ACTR3C: variants seen among roughly 807,000 people sequenced by gnomAD.
The protein encoded by ACTR3C is actin-related protein 3C.
ACTR3C carries 18 observed loss-of-function variants against 26.3 expected under a neutral mutation model. The ratio of observed to expected loss-of-function variants is 0.68; its 90% confidence interval spans 0.47 to 1.01. The LOEUF (loss-of-function observed/expected upper bound fraction) is 1.01. Among genes scored for constraint, ACTR3C ranks in the 50% least tolerant of loss-of-function variants. ACTR3C has a pLI of 0.00. For synonymous variants in ACTR3C, 55 were observed against 94.5 expected (o/e 0.58, Z 2.42); for missense variants, 184 against 250.7 (o/e 0.73, Z 1.80).
At chr7:150,070,886 C>T in the ACTR3C span, among the ~76,000 whole-genome samples, 2 of 150,886 alleles carry the variant, frequency 1.3e-5, no homozygotes, top group South Asian at 4.2e-4. Context: ...GCTCTGCCTC[C>T]CGGGTTCATG....
chr7:150,089,915 G>C, the ACTR3C span, among the ~76,000 whole-genome samples: 1 of 152,232 alleles, frequency 6.6e-6, no homozygotes, highest in South Asian at 2.1e-4. Context: ...CCAAACTCTA[G>C]GCCACTTCAA....
the ACTR3C span, among the ~76,000 whole-genome samples, chr7:150,227,688 G>GTTTTTTTT: frequency 1.9e-3 from 211 of 111,270 alleles, 1 homozygote; most frequent in East Asian, 6.2e-3. Flanking sequence ...TTGTGTCTGG[G>GTTTTTTTT]TTTTTTTTTT....
At chr7:150,297,623 G>A (rs1230305789) in intron 1 of ACTR3C, among the ~76,000 whole-genome samples, 7 of 152,170 alleles carry the variant, frequency 4.6e-5, no homozygotes, top group Non-Finnish European at 8.8e-5. Flanking sequence ...AGGCCGAGGC[G>A]GGCGGATCAC....
the ACTR3C span, among the ~76,000 whole-genome samples, chr7:150,164,562 G>A: frequency 2.6e-5 from 4 of 151,638 alleles, no homozygotes; most frequent in South Asian, 2.1e-4. Flanking sequence ...TGCATTTCCC[G>A]AATAGGCAAG....
intron 6 of ACTR3C, among the ~76,000 whole-genome samples, chr7:150,265,870 G>A (rs565219127): frequency 6.6e-6 from 1 of 152,194 alleles, no homozygotes; most frequent in South Asian, 2.1e-4. Flanking sequence ...GCATCTGAGA[G>A]TAACTTATAT....
chr7:150,087,175 A>T, the ACTR3C span, among the ~76,000 whole-genome samples: 1 of 141,998 alleles, frequency 7.0e-6, no homozygotes, highest in Admixed American at 6.8e-5. Flanking sequence ...AAAGACCTGA[A>T]TTTGTTTAAA....
At chr7:150,306,254 A>G (rs922730286) in intron 1 of ACTR3C, among the ~76,000 whole-genome samples, 7 of 151,950 alleles carry the variant, frequency 4.6e-5, no homozygotes, top group Non-Finnish European at 8.8e-5. Flanking sequence ...CTAAATCAGA[A>G]GAGTCCCCTT....
At chr7:150,048,656 C>T in the ACTR3C span, among the ~76,000 whole-genome samples, 1 of 151,798 alleles carries the variant, frequency 6.6e-6, no homozygotes, top group East Asian at 2.0e-4. Flanking sequence ...CCCAGCCACG[C>T]ACGCGCTGCG....
At chr7:150,047,531 T>C in the ACTR3C span, 1 of 341,736 alleles carries the variant, frequency 2.9e-6, no homozygotes, top group Non-Finnish European at 4.1e-6. Flanking sequence ...CCCCCACAGA[T>C]GCCCCCGGCC....
chr7:150,281,018 A>G (rs982986174), intron 6 of ACTR3C, among the ~76,000 whole-genome samples: 3 of 152,204 alleles, frequency 2.0e-5, no homozygotes, highest in Non-Finnish European at 2.9e-5. Flanking sequence ...GCACATCTTC[A>G]GGGCACCCAC....
the ACTR3C span, among the ~76,000 whole-genome samples, chr7:150,070,905 C>T: frequency 6.7e-6 from 1 of 150,274 alleles, no homozygotes; most frequent in Non-Finnish European, 1.5e-5. Flanking sequence ...TGCCATTCTC[C>T]TGCCTCAGCC....
chr7:149,964,419 A>G, the ACTR3C span, among the ~76,000 whole-genome samples: 1 of 152,204 alleles, frequency 6.6e-6, no homozygotes, highest in Non-Finnish European at 1.5e-5. Flanking sequence ...CGTCATGGGA[A>G]GTGAGGAGGA....
the ACTR3C span, among the ~76,000 whole-genome samples, chr7:149,996,160 G>A: frequency 6.6e-6 from 1 of 152,282 alleles, no homozygotes; most frequent in Non-Finnish European, 1.5e-5. Flanking sequence ...TGCCAGCAGT[G>A]CGGAAGCCCT....
At chr7:149,981,877 G>A in the ACTR3C span, among the ~76,000 whole-genome samples, 21 of 152,324 alleles carry the variant, frequency 1.4e-4, no homozygotes, top group South Asian at 4.1e-3. Flanking sequence ...GCATGCCCAT[G>A]AGGCAGCAGC....
chr7:150,126,541 T>C, the ACTR3C span, among the ~76,000 whole-genome samples: 13,980 of 149,620 alleles, frequency 0.093, 765 homozygotes, highest in Middle Eastern at 0.16. Flanking sequence ...GCCGGGCATC[T>C]GCCACACACT....
downstream of ACTR3C, among the ~76,000 whole-genome samples, chr7:150,239,316 C>T (rs1244649389): frequency 1.4e-5 from 2 of 147,714 alleles, no homozygotes; most frequent in Non-Finnish European, 3.0e-5. Context: ...TCTACTGACT[C>T]GAATGCACTA....
chr7:150,303,755 G>A (rs1490232123), intron 1 of ACTR3C, among the ~76,000 whole-genome samples: 1 of 152,180 alleles, frequency 6.6e-6, no homozygotes, highest in Non-Finnish European at 1.5e-5. Context: ...GATCTAAATT[G>A]GAGATGTCCA....
the ACTR3C span, among the ~76,000 whole-genome samples, chr7:150,099,979 G>A: frequency 6.6e-6 from 1 of 151,720 alleles, no homozygotes. Flanking sequence ...TCCAGGAAAC[G>A]TCAGCTATTG....
chr7:150,209,722 T>TACACACACACACAC, the ACTR3C span, among the ~76,000 whole-genome samples: 118 of 129,306 alleles, frequency 9.1e-4, 1 homozygote, highest in East Asian at 9.1e-3. Flanking sequence ...CTACTAAAAA[T>TACACACACACACAC]ACACACACAC....
Sources: allele counts gnomAD v4.1 joint callset (sites outside exome capture counted in the v4.1 genomes callset), GRCh38; gene constraint gnomAD v4.1.1; transcripts MANE v1.5; gene names NCBI Gene and HGNC (gene_info 2026-07-23, HGNC 2026-07-21).